Variants in MED30 observed in about 807,000 individuals in gnomAD.
MED30 encodes mediator complex subunit 30, also known as mediator of RNA polymerase II transcription subunit 30.
A neutral mutation model predicts 21.7 loss-of-function variants in MED30; 8 were observed. The observed-to-expected ratio is 0.37, with a 90% CI of 0.22 to 0.67. The LOEUF (loss-of-function observed/expected upper bound fraction) is 0.67. Ranked by LOEUF, MED30 falls within the 30% of genes least tolerant of loss-of-function variation. The pLI is 0.58. For synonymous variants in MED30, 79 were observed against 86.7 expected, an observed-to-expected ratio of 0.91 and a Z score of 0.49; for missense variants, 203 against 228.2, an observed-to-expected ratio of 0.89 and a Z score of 0.71.
intron 3 of MED30, among the ~76,000 whole-genome samples, chr8:117,533,592 A>AT (rs968349744): frequency 6.6e-6 from 1 of 151,818 alleles, no homozygotes; most frequent in African/African-American, 2.4e-5. Flanking sequence ...TGATTGAATA[A>AT]TTTTTTGTTT....
At chr8:117,535,687 A>G (rs1818867237) in intron 3 of MED30, among the ~76,000 whole-genome samples, 1 of 152,222 alleles carries the variant, frequency 6.6e-6, no homozygotes, top group South Asian at 2.1e-4. Flanking sequence ...ATTTATAAAT[A>G]GCTACATTCA....
At chr8:117,522,635 CTT>C (rs1294940654) in intron 1 of MED30, among the ~76,000 whole-genome samples, 12 of 139,548 alleles carry the variant, frequency 8.6e-5, no homozygotes, top group African/African-American at 7.8e-5. Flanking sequence ...TGTTTTATTG[CTT>C]TTTTTTTTTT....
At chr8:117,523,350 G>C (rs895313560) in intron 1 of MED30, 1 of 1,511,550 alleles carries the variant, frequency 6.6e-7, no homozygotes, top group Non-Finnish European at 9.1e-7. Flanking sequence ...CGGCTTTCTT[G>C]TCGGCACCAG....
chr8:117,526,333 C>T (rs1048610673), intron 1 of MED30, among the ~76,000 whole-genome samples: 1 of 151,968 alleles, frequency 6.6e-6, no homozygotes, highest in African/African-American at 2.4e-5. Context: ...GAACAGTGTT[C>T]ACTTACAGAA....
At chr8:117,522,655 TCAAGA>T (rs1040815834) in intron 1 of MED30, among the ~76,000 whole-genome samples, 2 of 151,222 alleles carry the variant, frequency 1.3e-5, no homozygotes, top group African/African-American at 4.9e-5. Flanking sequence ...TTTTAACTGG[TCAAGA>T]CTTTTTTTTT....
intron 1 of MED30, chr8:117,523,508 G>C: frequency 6.3e-7 from 1 of 1,593,406 alleles, no homozygotes; most frequent in Non-Finnish European, 8.6e-7. Context: ...TCCGGGGGCA[G>C]ATGAAGGTAA....
chr8:117,540,231 A>G lies in MED30; in HGVS notation c.*253A>G. On this transcript the variant is annotated 3_prime_UTR_variant, in exon 4 of 4. Transcript: ENST00000297347. ...CATGAATTGAATAATTGTTTTTTTA[A>G]AGCAAAATAAAGTTTTTTAAATAAA... 4.4e-6 allele frequency: 1 copy of G among 225,632 alleles called. No individual in the cohort carries two copies. Among genetic ancestry groups the G allele is most frequent in the Non-Finnish European group, 8.5e-6 (1 of 117,492 alleles). 14.0% of individuals were successfully genotyped at this position (225,632 alleles called of 1,614,324 possible). A position where few individuals can be genotyped will look rare whatever the true frequency, so the allele number is the denominator to read the frequency against.
chr8:117,523,710 T>C, intron 1 of MED30: 1 of 1,542,696 alleles, frequency 6.5e-7, no homozygotes. Flanking sequence ...GATTCCCTCC[T>C]TAAAAAGGAG....
chr8:117,533,854 G>T (rs1818826988), intron 3 of MED30, among the ~76,000 whole-genome samples: 1 of 152,132 alleles, frequency 6.6e-6, no homozygotes, highest in South Asian at 2.1e-4. Flanking sequence ...TTCAGCTCAT[G>T]TCTTCCCTTT....
intron 3 of MED30, among the ~76,000 whole-genome samples, chr8:117,535,414 A>G (rs1818859374): frequency 6.6e-6 from 1 of 151,792 alleles, no homozygotes; most frequent in Admixed American, 6.6e-5. Context: ...TGTTTTTAGT[A>G]GAGATGGGGT....
chr8:117,523,663 G>A (rs1172666381), intron 1 of MED30: 4 of 1,594,412 alleles, frequency 2.5e-6, no homozygotes, highest in Admixed American at 1.7e-5. Flanking sequence ...TGCCAGCTCC[G>A]GGTGCTTAGG....
chr8:117,525,059 C>G (rs1447749703), intron 1 of MED30, among the ~76,000 whole-genome samples: 1 of 152,132 alleles, frequency 6.6e-6, no homozygotes, highest in East Asian at 1.9e-4. Flanking sequence ...CACAAATTTG[C>G]ACGTATACCT....
At chr8:117,531,935 CTA>C (rs1190790961) in intron 3 of MED30, among the ~76,000 whole-genome samples, 1 of 151,906 alleles carries the variant, frequency 6.6e-6, no homozygotes, top group African/African-American at 2.4e-5. Flanking sequence ...AACAACTAGT[CTA>C]TAAGAGTTCC....
Position 117,539,917 on chromosome 8 carries a change from T to C in MED30, c.476T>C (p.Ile159Thr). ...LKQKNQQLKQIMDQLRNLIWD... is the reference protein window; with the variant it reads ...LKQKNQQLKQTMDQLRNLIWD... ...CAGAAGAATCAACAGCTGAAACAAA[T>C]TATGGATCAATTACGAAATCTCATC... The change falls in exon 4 of 4, where the codon ATT (isoleucine) becomes ACT (threonine). Residue 159 changes from isoleucine (I) to threonine (T), a missense_variant. Transcript: ENST00000297347. 1 of 1,608,832 alleles carries C rather than the reference T, an allele frequency of 6.2e-7. No individual in the cohort carries two copies. Among genetic ancestry groups the C allele is most frequent in the Non-Finnish European group, 8.5e-7 (1 of 1,177,650 alleles).
At chr8:117,523,458 A>G in intron 1 of MED30, 2 of 1,579,584 alleles carry the variant, frequency 1.3e-6, no homozygotes, top group South Asian at 1.1e-5. Flanking sequence ...GAGGCCTGCC[A>G]GTCTCTGGAC....
In MED30 at chr8:117,533,363, A is replaced by G. The variant is rs550954992; in HGVS notation, c.441+2536A>G. Among the ~76,000 whole-genome samples, 390 of 152,250 alleles carry G rather than the reference A, an allele frequency of 2.6e-3. 1 individual carries two copies. The highest frequency in any genetic ancestry group is 3.2e-3 in the Non-Finnish European group (221 of 68,000). On this transcript the variant is annotated intron_variant, in intron 3 of 3. Transcript: ENST00000297347. ...GATTTTAAGTAAAGGATATAATTGA[A>G]ACAAGGATATGATGTATAAAAGGAC...
At chr8:117,524,598 C>A (rs1228376013) in intron 1 of MED30, among the ~76,000 whole-genome samples, 1 of 152,098 alleles carries the variant, frequency 6.6e-6, no homozygotes, top group Non-Finnish European at 1.5e-5. Flanking sequence ...GTTTATTATT[C>A]TTTGAATCTT....
chr8:117,527,917 A>G (rs1211423687), intron 1 of MED30, among the ~76,000 whole-genome samples: 1 of 151,922 alleles, frequency 6.6e-6, no homozygotes, highest in Non-Finnish European at 1.5e-5. Flanking sequence ...ATATTTAGTT[A>G]TAAATTCTAA....
intron 1 of MED30, chr8:117,523,327 C>T: frequency 1.4e-6 from 2 of 1,447,398 alleles, no homozygotes; most frequent in South Asian, 2.3e-5. Context: ...GGTTGTTGAC[C>T]CAGCCCCAGT....
Sources: allele counts gnomAD v4.1 joint callset (sites outside exome capture counted in the v4.1 genomes callset), GRCh38; gene constraint gnomAD v4.1.1; transcripts MANE v1.5; gene names NCBI Gene and HGNC (gene_info 2026-07-23, HGNC 2026-07-21).